Variants in VPS33A observed in about 807,000 individuals in gnomAD.
The protein encoded by VPS33A is VPS33A core subunit of CORVET and HOPS complexes, also known as vacuolar protein sorting-associated protein 33A.
A neutral mutation model predicts 71.8 loss-of-function variants in VPS33A; 32 were observed. The ratio of observed to expected loss-of-function variants is 0.45; its 90% CI spans 0.34 to 0.60. VPS33A has a LOEUF of 0.60. Among genes scored for constraint, VPS33A ranks in the 20% least tolerant of loss-of-function variants. The probability of loss-of-function intolerance (pLI) is 0.02; values close to 1 mark genes in which losing one functional copy is unlikely to be tolerated. For missense variants in VPS33A, 625 were observed against 748.5 expected (o/e 0.84, Z 1.92); for synonymous variants, 311 against 292.7 (o/e 1.06, Z -0.64).
At chr12:122,259,339 C>A (rs1452688299) in intron 4 of VPS33A, among the ~76,000 whole-genome samples, 1 of 152,082 alleles carries the variant, frequency 6.6e-6, no homozygotes, top group Admixed American at 6.5e-5. Context: ...CCCGCCTCAG[C>A]CTCCCAAGTA....
At position 122,232,875 on chromosome 12, in the gene VPS33A, C is replaced by T. The variant is rs746650888; in HGVS notation, c.1534G>A (p.Glu512Lys). The T allele has an allele frequency of 3.1e-6, 5 of 1,613,896 alleles. No individual in the cohort carries two copies. Among genetic ancestry groups the T allele is most frequent in the Admixed American group, 1.7e-5 (1 of 60,006 alleles). ...CCTGGGAGGATGCGGAGGACCTCCT[C>T]GATGCTCCGCCAGCCAGGCCGGGAA... ...LLSRPGWRSIEEVLRILPGPH... is the reference protein window; with the variant it reads ...LLSRPGWRSIKEVLRILPGPH... Residue 512 changes from glutamate to lysine, a missense_variant, in exon 12 of 13, where the codon GAG becomes AAG. Transcript: ENST00000267199.
At position 122,230,914 on chromosome 12, in the gene VPS33A, GATC is replaced by G. The variant is rs1954552174; in HGVS notation, c.*1329_*1331del. ...AGCAGCTGTGGCTGCTGGTCTCCAA[GATC>G]ATCAAGAGATACACCTGGAGAAGGC... On this transcript the variant is annotated 3_prime_UTR_variant, in exon 13 of 13. Transcript: ENST00000267199. 6.6e-6 allele frequency: 1 copy of G among 152,290 alleles called. No homozygotes were observed. The highest frequency in any genetic ancestry group is 2.4e-5 in the African/African-American group (1 of 41,466). 9.4% of individuals were successfully genotyped at this position (152,290 alleles called of 1,614,324 possible).
At chr12:122,237,968 T>G (rs1353141567) in intron 10 of VPS33A, among the ~76,000 whole-genome samples, 1 of 151,760 alleles carries the variant, frequency 6.6e-6, no homozygotes. Context: ...ATTTTTTTTG[T>G]AGAGACAGGG....
At chr12:122,263,498 A>G in intron 3 of VPS33A, 74 bp downstream of exon 3, 2 of 1,479,902 alleles carry the variant, frequency 1.4e-6, no homozygotes, top group Non-Finnish European at 1.8e-6. Flanking sequence ...AGGGTCTTCC[A>G]TGAGAAGGAG....
intron 4 of VPS33A, among the ~76,000 whole-genome samples, chr12:122,260,224 A>T (rs1424001880): frequency 6.6e-6 from 1 of 152,118 alleles, no homozygotes; most frequent in Non-Finnish European, 1.5e-5. Context: ...ACAACTTTGT[A>T]AATACACTAA....
Position 122,244,695 on chromosome 12 carries a change from G to T in VPS33A, c.843C>A (p.Pro281=), listed in dbSNP as rs148599993. The T allele has an allele frequency of 6.2e-6, 10 of 1,614,116 alleles. No individual in the cohort carries two copies. The highest frequency in any genetic ancestry group is 8.5e-6 in the Non-Finnish European group (10 of 1,180,020). ...TCAGCTGCAGCTTCTTTGCTTCCGT[G>T]GGGAGGTCCTTACCACCATCGCCCT... is the stretch of plus-strand genomic sequence containing the variant. ...KKQGDGGKDL[P]TEAKKLQLNS... The change falls in exon 7 of 13, where the codon CCC becomes CCA. Residue 281 remains proline (P), a synonymous_variant. Coordinates refer to ENST00000267199, the MANE Select transcript of VPS33A (RefSeq NM_022916.6).
chr12:122,233,974 C>T (rs1056603761), intron 11 of VPS33A, among the ~76,000 whole-genome samples: 2 of 152,234 alleles, frequency 1.3e-5, no homozygotes, highest in South Asian at 4.2e-4. Context: ...TTGCTCCTGA[C>T]AGAGGAGACT....
intron 6 of VPS33A, chr12:122,248,921 TC>T (rs761998045): frequency 1.3e-5 from 2 of 152,204 alleles, no homozygotes; most frequent in Non-Finnish European, 2.9e-5. Flanking sequence ...TGCAATTTGC[TC>T]AGATGTCACT....
In VPS33A at chr12:122,242,368, C is replaced by G. The variant is rs778182298; in HGVS notation, c.1096+14G>C. 4 of 1,609,436 alleles carry G rather than the reference C, an allele frequency of 2.5e-6. No individual in the cohort carries two copies. In the East Asian group the frequency reaches 8.9e-5, roughly 36 times the overall value. On this transcript the variant is annotated intron_variant, in intron 8 of 12. Coordinates refer to ENST00000267199, the MANE Select transcript of VPS33A (RefSeq NM_022916.6). ...TAGCCCCAGACTGAAACAATCATTA[C>G]AAAGGATACTCACTAGTGACATCTT...
chr12:122,241,351 G>A (rs1450934806), intron 8 of VPS33A, among the ~76,000 whole-genome samples: 1 of 151,948 alleles, frequency 6.6e-6, no homozygotes, highest in Non-Finnish European at 1.5e-5. Context: ...TGTCGCCCAG[G>A]CCGGAGTGCA....
chr12:122,259,625 G>A (rs1444447630), intron 4 of VPS33A, among the ~76,000 whole-genome samples: 3 of 152,040 alleles, frequency 2.0e-5, no homozygotes, highest in Non-Finnish European at 2.9e-5. Flanking sequence ...AACCCATCAG[G>A]TGTCCATCAG....
intron 4 of VPS33A, among the ~76,000 whole-genome samples, chr12:122,254,079 T>C (rs1422352011): frequency 3.3e-5 from 5 of 152,158 alleles, no homozygotes; most frequent in Non-Finnish European, 7.4e-5. Context: ...AGGCAGGTTT[T>C]ATATATGCTG....
intron 1 of VPS33A, 43 bp downstream of exon 1, chr12:122,266,264 A>G: frequency 2.5e-6 from 4 of 1,601,376 alleles, no homozygotes; most frequent in Non-Finnish European, 3.4e-6. Context: ...ACCAGGCCGG[A>G]CCAGGGGAGG....
At chr12:122,235,180 G>A (rs947647280) in intron 11 of VPS33A, among the ~76,000 whole-genome samples, 2 of 151,140 alleles carry the variant, frequency 1.3e-5, no homozygotes, top group Admixed American at 6.6e-5. Flanking sequence ...GGCTGGTCTC[G>A]AACTCCTGGA....
At chr12:122,262,909 G>C (rs1389331893) in intron 3 of VPS33A, among the ~76,000 whole-genome samples, 1 of 151,592 alleles carries the variant, frequency 6.6e-6, no homozygotes, top group Non-Finnish European at 1.5e-5. Flanking sequence ...CATGCAATGT[G>C]AAATAAGCAC....
Position 122,230,272 on chromosome 12 carries a change from A to T in VPS33A, c.*1974T>A, listed in dbSNP as rs537681539. 5.3e-5 allele frequency: 8 copies of T among 152,262 alleles called. No individual in the cohort carries two copies. Among genetic ancestry groups the T allele is most frequent in the Admixed American group, 3.9e-4 (6 of 15,290 alleles). The allele number at this position is 152,262 out of a possible 1,614,324, so 9.4% of individuals were successfully genotyped here. A position where few individuals can be genotyped will look rare whatever the true frequency, so the allele number is the denominator to read the frequency against. ...AATTTCTCTTTCATTAATAATATTT[A>T]CCGTGCCCATCAGAACTCCACTAAT... On this transcript the variant is annotated 3_prime_UTR_variant, in exon 13 of 13. Coordinates refer to ENST00000267199, the MANE Select transcript of VPS33A (RefSeq NM_022916.6).
At chr12:122,262,603 C>T (rs1282256073) in intron 3 of VPS33A, among the ~76,000 whole-genome samples, 6 of 138,520 alleles carry the variant, frequency 4.3e-5, no homozygotes, top group Admixed American at 7.3e-5. Flanking sequence ...ATTTAATCAG[C>T]TTTTTTTTTT....
At chr12:122,240,707 A>T (rs1046492997) in intron 8 of VPS33A, among the ~76,000 whole-genome samples, 1 of 152,208 alleles carries the variant, frequency 6.6e-6, no homozygotes, top group African/African-American at 2.4e-5. Context: ...CTGTGTTGTA[A>T]CAAACAAACA....
intron 6 of VPS33A, among the ~76,000 whole-genome samples, chr12:122,246,137 C>A (rs1026505039): frequency 1.3e-5 from 2 of 152,046 alleles, no homozygotes; most frequent in Non-Finnish European, 2.9e-5. Flanking sequence ...GTACCAAGTG[C>A]CTTTCACCCC....
Sources: allele counts gnomAD v4.1 joint callset (sites outside exome capture counted in the v4.1 genomes callset), GRCh38; gene constraint gnomAD v4.1.1; transcripts MANE v1.5; gene names NCBI Gene and HGNC (gene_info 2026-07-23, HGNC 2026-07-21).